Variants in ABL2 observed in about 807,000 individuals in gnomAD.
The protein encoded by ABL2 is ABL proto-oncogene 2, non-receptor tyrosine kinase.
A neutral mutation model predicts 107.7 loss-of-function variants in ABL2; 49 were observed. That is an observed-to-expected ratio of 0.45 (90% CI 0.36 to 0.58). The LOEUF is 0.58. Among genes scored for constraint, ABL2 ranks in the 20% least tolerant of loss-of-function variants. ABL2 has a pLI of 0.00. For missense variants in ABL2, 1,245 were observed against 1,457.0 expected (o/e 0.85, Z 2.37); for synonymous variants, 549 against 548.6 (o/e 1.00, Z -0.01).
In ABL2 at chr1:179,191,530, C is replaced by G. The variant is rs112353438; in HGVS notation, c.157+37711G>C. 9.3e-3 allele frequency among the ~76,000 whole-genome samples: 1,344 copies of G among 144,446 alleles called. 7 individuals carry two copies. Among genetic ancestry groups the G allele is most frequent in the Middle Eastern group, 0.02 (5 of 248 alleles). 94.8% of individuals were successfully genotyped at this position (144,446 alleles called of 152,430 possible). Reference sequence around the variant, plus strand: ...CTGTCTCCTGGGTTCAAGCGATTCTCTTGCCTCATCCTCCCAAGTAGCTGG... The same window carrying G: ...CTGTCTCCTGGGTTCAAGCGATTCTGTTGCCTCATCCTCCCAAGTAGCTGG... On this transcript the variant is annotated intron_variant, in intron 1 of 11. Transcript: ENST00000502732.
intron 1 of ABL2, among the ~76,000 whole-genome samples, chr1:179,198,693 CAAAAAAAAAAAA>C (rs534990752): frequency 1.7e-4 from 6 of 34,944 alleles, no homozygotes; most frequent in Non-Finnish European, 2.3e-4. Context: ...ACTCCATCTC[CAAAAAAAAAAAA>C]AAAAAAAAAA....
intron 1 of ABL2, among the ~76,000 whole-genome samples, chr1:179,213,046 CAAA>C (rs368969682): frequency 6.2e-5 from 5 of 81,252 alleles, no homozygotes; most frequent in Non-Finnish European, 1.1e-4. Flanking sequence ...AACTCCGTCT[CAAA>C]AAAAAAAAAA....
intron 6 of ABL2, 70 bp downstream of exon 6, chr1:179,120,120 T>C (rs1052570566): frequency 3.1e-6 from 3 of 957,624 alleles, no homozygotes. Context: ...AAAAAAGCAT[T>C]TGGAGATAAC....
intron 1 of ABL2, among the ~76,000 whole-genome samples, chr1:179,170,476 G>T (rs1190822755): frequency 6.6e-6 from 1 of 151,936 alleles, no homozygotes; most frequent in Non-Finnish European, 1.5e-5. Context: ...GAGTGCAGTA[G>T]CGCAATCTAG....
intron 1 of ABL2, chr1:179,221,938 A>C (rs1036499644): frequency 4.3e-6 from 1 of 234,774 alleles, no homozygotes; most frequent in Non-Finnish European, 9.6e-6. Context: ...CATGATGTTT[A>C]TGTCAGGATC....
intron 1 of ABL2, among the ~76,000 whole-genome samples, chr1:179,136,398 C>A (rs1440211623): frequency 1.3e-5 from 2 of 152,160 alleles, no homozygotes; most frequent in Admixed American, 1.3e-4. Context: ...TCCTGTTGAT[C>A]GGTGACCTTA....
chr1:179,108,925 G>A lies in ABL2; in HGVS notation c.2342C>T (p.Ser781Leu), dbSNP rs775367035. 16 of 1,614,030 alleles carry A rather than the reference G, an allele frequency of 9.9e-6. No homozygotes were observed. The highest frequency in any genetic ancestry group is 1.3e-5 in the Non-Finnish European group (15 of 1,180,046). Residue 781 changes from serine (S) to leucine (L), a missense_variant, in exon 12 of 12, where the codon TCA becomes TTA. Ser to Leu is a moderately radical substitution (Grantham distance 145). Coordinates refer to ENST00000502732, the MANE Select transcript of ABL2 (RefSeq NM_007314.4). ...TGAGGACATGGAAGATGTAGAGTTTGACCTTGGAAAAGGCTTGGAAGTGTC... is the reference window on the plus strand; with the variant it reads ...TGAGGACATGGAAGATGTAGAGTTTAACCTTGGAAAAGGCTTGGAAGTGTC... ...SDDTSKPFPR[S>L]NSTSSMSSGL...
intron 1 of ABL2, among the ~76,000 whole-genome samples, chr1:179,189,981 G>A (rs971023263): frequency 6.6e-6 from 1 of 151,914 alleles, no homozygotes; most frequent in Non-Finnish European, 1.5e-5. Context: ...CCACCATGAC[G>A]GGCTAATTTT....
chr1:179,175,050 A>T (rs1232866142), intron 1 of ABL2, among the ~76,000 whole-genome samples: 2 of 151,858 alleles, frequency 1.3e-5, no homozygotes, highest in Admixed American at 1.3e-4. Flanking sequence ...TTTTTTAAAA[A>T]AATAGTATTT....
intron 1 of ABL2, among the ~76,000 whole-genome samples, chr1:179,174,387 C>T (rs1659905416): frequency 6.6e-6 from 1 of 151,046 alleles, no homozygotes; most frequent in African/African-American, 2.4e-5. Flanking sequence ...GGCAGGCAGA[C>T]CACCTGAGGT....
At chr1:179,199,742 T>C (rs2102841315) in intron 1 of ABL2, among the ~76,000 whole-genome samples, 1 of 151,184 alleles carries the variant, frequency 6.6e-6, no homozygotes, top group East Asian at 1.9e-4. Flanking sequence ...TTTTTTTTTT[T>C]TTTTTTTGAG....
At chr1:179,136,719 AAT>A (rs1657039210) in intron 1 of ABL2, among the ~76,000 whole-genome samples, 1 of 146,804 alleles carries the variant, frequency 6.8e-6, no homozygotes, top group African/African-American at 2.5e-5. Context: ...AAAATAAATA[AAT>A]AAATAAATAA....
intron 1 of ABL2, among the ~76,000 whole-genome samples, chr1:179,224,781 C>T (rs1275304197): frequency 1.3e-5 from 2 of 149,450 alleles, no homozygotes; most frequent in East Asian, 2.0e-4. Flanking sequence ...TTTGGGAGGC[C>T]GAGGCAGAGT....
At position 179,100,320 on chromosome 1, in the gene ABL2, C is replaced by G. The variant is rs1420062313; in HGVS notation, c.*7398G>C. On this transcript the variant is annotated 3_prime_UTR_variant, in exon 12 of 12. Coordinates refer to ENST00000502732, the MANE Select transcript of ABL2 (RefSeq NM_007314.4). ...CCTGGCGTTCTTGCCACTCACAATACCTGGTATGGTACTTCTGAACTGTGC... is the reference window on the plus strand; with the variant it reads ...CCTGGCGTTCTTGCCACTCACAATAGCTGGTATGGTACTTCTGAACTGTGC... The G allele has an allele frequency of 4.4e-6, 1 of 228,174 alleles. No individual in the cohort carries two copies. The highest frequency in any genetic ancestry group is 6.3e-5 in the East Asian group (1 of 15,856). The allele number at this position is 228,174 out of a possible 1,614,324, so 14.1% of individuals were successfully genotyped here.
chr1:179,180,758 GA>G lies in ABL2; in HGVS notation c.158-47385del, dbSNP rs200325286. 8.4e-3 allele frequency among the ~76,000 whole-genome samples: 1,270 copies of G among 152,074 alleles called. 14 individuals are homozygous for G. Among genetic ancestry groups the G allele is most frequent in the African/African-American group, 0.029 (1,208 of 41,514 alleles). ...TCACAATTTAAAATAATTTTTAAAA[GA>G]AAAAAACCATCTGAAATTTAGGTGA... On this transcript the variant is annotated intron_variant, in intron 1 of 11. Coordinates refer to ENST00000502732, the MANE Select transcript of ABL2 (RefSeq NM_007314.4).
At chr1:179,184,385 T>C (rs1660563372) in intron 1 of ABL2, 1 of 875,144 alleles carries the variant, frequency 1.1e-6, no homozygotes, top group Non-Finnish European at 1.8e-6. Context: ...AACATTCAAG[T>C]CAAACACAGA....
intron 1 of ABL2, among the ~76,000 whole-genome samples, chr1:179,171,070 TG>T (rs1263879751): frequency 6.6e-6 from 1 of 152,130 alleles, no homozygotes; most frequent in Admixed American, 6.6e-5. Flanking sequence ...AAATGAAAAG[TG>T]GGAACTTAAA....
At position 179,106,294 on chromosome 1, in the gene ABL2, A is replaced by C. The variant is rs886605363; in HGVS notation, c.*1424T>G. The C allele has an allele frequency of 7.9e-5, 18 of 229,036 alleles. No individual in the cohort carries two copies. The highest frequency in any genetic ancestry group is 1.4e-4 in the Non-Finnish European group (16 of 115,552). 14.2% of individuals were successfully genotyped at this position (229,036 alleles called of 1,614,324 possible). On this transcript the variant is annotated 3_prime_UTR_variant, in exon 12 of 12. Transcript: ENST00000502732. ...TTAGCTTCCACAATTATAACTAAGG[A>C]AGGAAGGAAAAGGCCTATTTTTCAA...
In ABL2 at chr1:179,131,357, A is replaced by G. The variant is rs377590260; in HGVS notation, c.345T>C (p.Leu115=). Residue 115 remains leucine, a synonymous_variant, in exon 3 of 12, where the codon CTT becomes CTC. Coordinates refer to ENST00000502732, the MANE Select transcript of ABL2 (RefSeq NM_007314.4). ...TESDPNLFVA[L]YDFVASGDNT... is the part of the protein sequence containing the mutation. Reference sequence around the variant, plus strand: ...TATCACCACTTGCTACAAAATCATAAAGTGCAACGAAGAGATTAGGGTCAC... The same window carrying G: ...TATCACCACTTGCTACAAAATCATAGAGTGCAACGAAGAGATTAGGGTCAC... 41 of 1,614,130 alleles carry G rather than the reference A, an allele frequency of 2.5e-5. No homozygotes were observed. In the African/African-American group the frequency reaches 4.7e-4, roughly 18 times the overall value.
Sources: gnomAD v4.1 joint callset for allele counts (sites outside exome capture counted in the v4.1 genomes callset) on GRCh38, gnomAD v4.1.1 for gene constraint, MANE v1.5 for transcripts, NCBI Gene and HGNC (gene_info 2026-07-23, HGNC 2026-07-21) for gene names.